CSMD1: variants seen among roughly 807,000 people sequenced by gnomAD.
CSMD1 encodes CUB and Sushi multiple domains 1, also known as CUB and sushi domain-containing protein 1.
In CSMD1, 213 loss-of-function variants were observed where a neutral mutation model predicts 417.5. The ratio of observed to expected loss-of-function variants is 0.51; its 90% CI spans 0.46 to 0.57. The LOEUF (loss-of-function observed/expected upper bound fraction) is 0.57, where lower values mean the gene tolerates loss of function less well. CSMD1 is among the 20% of genes least tolerant of loss of function. The pLI, the probability that CSMD1 is intolerant of heterozygous loss-of-function variation, is 0.00. For synonymous variants in CSMD1, 2,862 were observed against 1,736.8 expected (o/e 1.65, Z -16.11); for missense variants, 6,923 against 4,529.7 (o/e 1.53, Z -15.17).
At chr8:3,485,221 C>A (rs1020182067) in intron 11 of CSMD1, among the ~76,000 whole-genome samples, 1 of 151,974 alleles carries the variant, frequency 6.6e-6, no homozygotes, top group Non-Finnish European at 1.5e-5. Flanking sequence ...TACCAGCCAG[C>A]AAAAAACGGG....
chr8:3,493,665 C>T lies in CSMD1; in HGVS notation c.1406G>A (p.Gly469Asp). The T allele has an allele frequency of 6.2e-7, 1 of 1,612,412 alleles. No individual in the cohort carries two copies. Among genetic ancestry groups the T allele is most frequent in the Non-Finnish European group, 8.5e-7 (1 of 1,179,340 alleles). The change falls in exon 11 of 70, where the codon GGT (glycine) becomes GAT (aspartate). Residue 469 changes from glycine to aspartate, a missense_variant. By Grantham distance (94) the Gly-to-Asp change is moderately conservative. Transcript: ENST00000635120. Reference protein sequence around the residue: ...LERGYDTLTVGDAGKVGDTRS... With the variant: ...LERGYDTLTVDDAGKVGDTRS... ...GGTGTCTCCCACCTTCCCAGCATCA[C>T]CAACCGTCAGGGTGTCATAGCCTCG... is the stretch of plus-strand genomic sequence containing the variant.
intron 43 of CSMD1, among the ~76,000 whole-genome samples, chr8:3,109,254 ACT>A (rs1236921717): frequency 1.3e-5 from 2 of 152,182 alleles, no homozygotes; most frequent in African/African-American, 4.8e-5. Context: ...ACAGGGCAAG[ACT>A]CTGTCTCAAA....
chr8:4,119,119 T>A (rs572671698), intron 3 of CSMD1, among the ~76,000 whole-genome samples: 20 of 152,100 alleles, frequency 1.3e-4, no homozygotes, highest in South Asian at 4.2e-4. Context: ...AGGGAGATCA[T>A]TAGGGAACGT....
intron 20 of CSMD1, among the ~76,000 whole-genome samples, chr8:3,366,366 G>A (rs955596573): frequency 2.7e-5 from 4 of 146,894 alleles, no homozygotes; most frequent in East Asian, 2.0e-4. Context: ...TTAAGTGGCG[G>A]CAATTTTTTC....
intron 1 of CSMD1, among the ~76,000 whole-genome samples, chr8:4,816,464 G>C (rs1175184190): frequency 6.6e-6 from 1 of 152,140 alleles, no homozygotes; most frequent in Non-Finnish European, 1.5e-5. Context: ...CTGACCTCAA[G>C]TGATCCACCC....
Position 4,950,130 on chromosome 8 carries a change from T to G in CSMD1, c.85+44202A>C, listed in dbSNP as rs988553389. 1.1e-4 allele frequency among the ~76,000 whole-genome samples: 17 copies of G among 152,294 alleles called. No individual in the cohort carries two copies. The East Asian group carries it at 2.9e-3, about 26-fold the overall frequency. Reference sequence around the variant, plus strand: ...AATGTTTCATATGATAAGATTTTAATATATGTCTATGTTCCCATGTAGCAC... The same window carrying G: ...AATGTTTCATATGATAAGATTTTAAGATATGTCTATGTTCCCATGTAGCAC... On this transcript the variant is annotated intron_variant, in intron 1 of 69. Transcript: ENST00000635120.
intron 4 of CSMD1, among the ~76,000 whole-genome samples, chr8:4,025,308 T>G (rs1339871909): frequency 6.6e-6 from 1 of 152,208 alleles, no homozygotes; most frequent in African/African-American, 2.4e-5. Flanking sequence ...CAGTGGACCA[T>G]CTTTCATGTT....
chr8:4,057,827 A>G (rs891245080), intron 3 of CSMD1, among the ~76,000 whole-genome samples: 9 of 152,294 alleles, frequency 5.9e-5, no homozygotes, highest in Non-Finnish European at 1.3e-4. Context: ...CAGGTTTGTC[A>G]AAGATCAGAT....
intron 3 of CSMD1, among the ~76,000 whole-genome samples, chr8:4,195,469 G>A (rs1441371330): frequency 2.6e-5 from 4 of 152,178 alleles, no homozygotes; most frequent in East Asian, 1.9e-4. Flanking sequence ...GCCTTAATGT[G>A]CTCCTCGTGA....
intron 2 of CSMD1, among the ~76,000 whole-genome samples, chr8:4,565,768 A>ATG (rs1406949183): frequency 1.2e-3 from 18 of 15,154 alleles, no homozygotes; most frequent in African/African-American, 2.2e-3. Context: ...ATATATATAT[A>ATG]TATATATATA....
At position 3,708,504 on chromosome 8, in the gene CSMD1, A is replaced by G; in HGVS notation, c.932-13T>C. ...ATCGCCTTTTTCACTGGAAGAAACA[A>G]AACCAAGCCATTAGCAGGTAAGACT... On this transcript the variant is annotated splice_polypyrimidine_tract_variant and intron_variant, in intron 6 of 69. Transcript: ENST00000635120. 1 of 1,612,608 alleles carries G rather than the reference A, an allele frequency of 6.2e-7. No individual in the cohort carries two copies. The highest frequency in any genetic ancestry group is 2.2e-5 in the East Asian group (1 of 44,860).
chr8:4,654,222 T>C (rs1419856307), intron 1 of CSMD1, among the ~76,000 whole-genome samples: 1 of 152,124 alleles, frequency 6.6e-6, no homozygotes, highest in African/African-American at 2.4e-5. Flanking sequence ...TCTCAATATG[T>C]CTAAAATATG....
intron 2 of CSMD1, among the ~76,000 whole-genome samples, chr8:4,555,095 T>C (rs1798030449): frequency 6.6e-6 from 1 of 152,224 alleles, no homozygotes; most frequent in Non-Finnish European, 1.5e-5. Context: ...TATTTATTTT[T>C]AGGAATGATA....
intron 1 of CSMD1, among the ~76,000 whole-genome samples, chr8:4,966,619 G>A (rs966095877): frequency 1.3e-5 from 2 of 152,084 alleles, no homozygotes; most frequent in African/African-American, 4.8e-5. Flanking sequence ...GTCTTAGGTA[G>A]GTTCACCCTG....
intron 12 of CSMD1, among the ~76,000 whole-genome samples, chr8:3,440,479 G>A (rs1814901801): frequency 6.6e-6 from 1 of 152,150 alleles, no homozygotes; most frequent in South Asian, 2.1e-4. Context: ...AGTAGATTTT[G>A]TTGTTGTTGT....
chr8:3,160,489 A>C (rs1819817232), intron 38 of CSMD1, among the ~76,000 whole-genome samples: 1 of 152,226 alleles, frequency 6.6e-6, no homozygotes, highest in Admixed American at 6.5e-5. Context: ...CAGCCTGAAT[A>C]GCTTGAGTGT....
chr8:3,812,028 A>G (rs1032170549), intron 5 of CSMD1, among the ~76,000 whole-genome samples: 1 of 141,120 alleles, frequency 7.1e-6, no homozygotes, highest in African/African-American at 2.5e-5. Flanking sequence ...TCTTATGCTT[A>G]GTGAGAAAAA....
chr8:4,695,867 A>G (rs1172841945), intron 1 of CSMD1, among the ~76,000 whole-genome samples: 1 of 152,104 alleles, frequency 6.6e-6, no homozygotes, highest in Admixed American at 6.6e-5. Context: ...GTGGCCCACC[A>G]CTCTTTTGAA....
chr8:3,078,852 A>C (rs1813882091), intron 49 of CSMD1, among the ~76,000 whole-genome samples: 1 of 151,818 alleles, frequency 6.6e-6, no homozygotes, highest in South Asian at 2.1e-4. Context: ...CACCAAAAAC[A>C]CTCCTGGGTG....
Sources: allele counts gnomAD v4.1 joint callset (sites outside exome capture counted in the v4.1 genomes callset), GRCh38; gene constraint gnomAD v4.1.1; transcripts MANE v1.5; gene names NCBI Gene and HGNC (gene_info 2026-07-23, HGNC 2026-07-21).